ZBTB20: variants seen among roughly 807,000 people sequenced by gnomAD.
ZBTB20 encodes the protein zinc finger and BTB domain containing 20.
In ZBTB20, 9 loss-of-function variants were observed where a neutral mutation model predicts 56.9. The ratio of observed to expected loss-of-function variants is 0.16; its 90% CI spans 0.10 to 0.28. ZBTB20 has a LOEUF of 0.28. Among genes scored for constraint, ZBTB20 ranks in the 10% least tolerant of loss-of-function variants. The pLI, the probability that ZBTB20 is intolerant of heterozygous loss-of-function variation, is 1.00. For synonymous variants in ZBTB20, 417 were observed against 420.7 expected, an observed-to-expected ratio of 0.99 and a Z score of 0.11; for missense variants, 655 against 1,003.0, an observed-to-expected ratio of 0.65 and a Z score of 4.69.
At chr3:114,780,140 C>T (rs1162995154) in intron 5 of ZBTB20, among the ~76,000 whole-genome samples, 2 of 152,152 alleles carry the variant, frequency 1.3e-5, no homozygotes, top group African/African-American at 2.4e-5. Context: ...TAGATTATTG[C>T]ATAATTTTTT....
intron 4 of ZBTB20, among the ~76,000 whole-genome samples, chr3:114,849,520 C>T (rs983989676): frequency 6.6e-6 from 1 of 152,120 alleles, no homozygotes; most frequent in Non-Finnish European, 1.5e-5. Flanking sequence ...AAACTGTATG[C>T]AGTGATTGTT....
At chr3:114,867,356 T>C (rs1461037164) in intron 4 of ZBTB20, among the ~76,000 whole-genome samples, 3 of 152,146 alleles carry the variant, frequency 2.0e-5, no homozygotes, top group African/African-American at 7.2e-5. Flanking sequence ...ACTAGAAATA[T>C]AGATGTGATC....
chr3:115,049,967 T>C (rs2081481926), intron 2 of ZBTB20, among the ~76,000 whole-genome samples: 1 of 152,246 alleles, frequency 6.6e-6, no homozygotes, highest in South Asian at 2.1e-4. Context: ...AAATATGCCT[T>C]TCAAACATCA....
intron 5 of ZBTB20, among the ~76,000 whole-genome samples, chr3:114,787,370 C>CACACACAT (rs1553821547): frequency 7.9e-5 from 9 of 114,436 alleles, no homozygotes; most frequent in Non-Finnish European, 1.2e-4. Context: ...TATATATATA[C>CACACACAT]ACACACACAC....
chr3:114,654,956 A>G (rs2060314215), intron 6 of ZBTB20, among the ~76,000 whole-genome samples: 1 of 151,968 alleles, frequency 6.6e-6, no homozygotes, highest in African/African-American at 2.4e-5. Context: ...TAATATTCCA[A>G]CCTAGCTTTC....
chr3:115,025,489 A>C (rs2080386078), intron 2 of ZBTB20, among the ~76,000 whole-genome samples: 1 of 151,176 alleles, frequency 6.6e-6, no homozygotes, highest in African/African-American at 2.4e-5. Flanking sequence ...GATTCACATG[A>C]AATAGCAAGG....
chr3:114,497,690 AT>A (rs1390595858), intron 7 of ZBTB20, among the ~76,000 whole-genome samples: 1 of 152,186 alleles, frequency 6.6e-6, no homozygotes, highest in Non-Finnish European at 1.5e-5. Flanking sequence ...TATAGTCTTT[AT>A]TCACTTATGT....
At chr3:114,646,249 G>A (rs1328192456) in intron 6 of ZBTB20, among the ~76,000 whole-genome samples, 1 of 151,828 alleles carries the variant, frequency 6.6e-6, no homozygotes, top group Non-Finnish European at 1.5e-5. Context: ...CCCTCACTCA[G>A]TAGGACTGGT....
chr3:115,031,982 G>C (rs2080704514), intron 2 of ZBTB20, among the ~76,000 whole-genome samples: 1 of 151,416 alleles, frequency 6.6e-6, no homozygotes, highest in South Asian at 2.1e-4. Flanking sequence ...CAAAAGATAA[G>C]TTAGTGTCAT....
chr3:114,469,025 A>C (rs923573901), intron 7 of ZBTB20, among the ~76,000 whole-genome samples: 1 of 151,670 alleles, frequency 6.6e-6, no homozygotes, highest in Non-Finnish European at 1.5e-5. Flanking sequence ...AAAAAAAAAA[A>C]AAAAAAAAAA....
chr3:114,786,563 G>GA (rs1364641806), intron 5 of ZBTB20, among the ~76,000 whole-genome samples: 4 of 151,834 alleles, frequency 2.6e-5, no homozygotes, highest in East Asian at 1.9e-4. Context: ...AGGAGTGGGG[G>GA]AAAATAATAG....
chr3:114,440,894 A>G lies in ZBTB20; in HGVS notation c.-254-51789T>C, dbSNP rs569552976. On this transcript the variant is annotated intron_variant, in intron 7 of 11. Coordinates refer to ENST00000675478, the MANE Select transcript of ZBTB20 (RefSeq NM_001348800.3). ...TGTTGAACTGCTTTAACTTGGAACT[A>G]TTCTCTACATTAGGGCTGTCCTCTC... 9.2e-5 allele frequency among the ~76,000 whole-genome samples: 14 copies of G among 152,272 alleles called. No homozygotes were observed. The South Asian group carries it at 1.5e-3, about 16-fold the overall frequency.
Position 114,978,979 on chromosome 3 carries a change from A to AT in ZBTB20, c.-506-4564dup, listed in dbSNP as rs35298467. On this transcript the variant is annotated intron_variant, in intron 2 of 11. Coordinates refer to ENST00000675478, the MANE Select transcript of ZBTB20 (RefSeq NM_001348800.3). The stretch of plus-strand genomic sequence containing the variant: ...TGGTGAAACCTTTTTAACTGCATAG[A>AT]TTTTTTTAGAGAAAAAAAAATGTAA... 2.8e-3 allele frequency among the ~76,000 whole-genome samples: 431 copies of AT among 151,890 alleles called. 1 individual carries two copies. The highest frequency in any genetic ancestry group is 4.4e-3 in the Non-Finnish European group (300 of 67,854).
chr3:114,618,126 G>C (rs1429091989), intron 6 of ZBTB20, among the ~76,000 whole-genome samples: 1 of 149,990 alleles, frequency 6.7e-6, no homozygotes, highest in Admixed American at 6.6e-5. Flanking sequence ...CCCTGGAATA[G>C]TGTTGGGTAC....
chr3:114,710,717 A>G (rs969564231), intron 5 of ZBTB20, among the ~76,000 whole-genome samples: 1 of 152,178 alleles, frequency 6.6e-6, no homozygotes, highest in African/African-American at 2.4e-5. Context: ...GGCTACTATG[A>G]TAACTACTAC....
At chr3:114,515,127 C>G (rs1559896093) in intron 6 of ZBTB20, among the ~76,000 whole-genome samples, 1 of 152,138 alleles carries the variant, frequency 6.6e-6, no homozygotes, top group Non-Finnish European at 1.5e-5. Context: ...TTCTCTGAGA[C>G]CTGTCGCATA....
At chr3:114,803,402 A>C (rs934969318) in intron 4 of ZBTB20, among the ~76,000 whole-genome samples, 1 of 151,890 alleles carries the variant, frequency 6.6e-6, no homozygotes, top group African/African-American at 2.4e-5. Flanking sequence ...CTCAAATAGG[A>C]CCACAAATAA....
At chr3:114,883,206 T>A (rs188472159) in intron 4 of ZBTB20, among the ~76,000 whole-genome samples, 4 of 152,330 alleles carry the variant, frequency 2.6e-5, no homozygotes, top group African/African-American at 9.6e-5. Flanking sequence ...TAAACAAATC[T>A]CTACTTGGTA....
chr3:114,870,035 T>C (rs2075929543), intron 4 of ZBTB20, among the ~76,000 whole-genome samples: 1 of 152,172 alleles, frequency 6.6e-6, no homozygotes, highest in Admixed American at 6.6e-5. Flanking sequence ...AATTAAAGCA[T>C]GTACATATAC....
Sources: allele counts gnomAD v4.1 joint callset (sites outside exome capture counted in the v4.1 genomes callset), GRCh38; gene constraint gnomAD v4.1.1; transcripts MANE v1.5; gene names NCBI Gene and HGNC (gene_info 2026-07-23, HGNC 2026-07-21).